RHOBTB3: variants seen among roughly 807,000 people sequenced by gnomAD.
RHOBTB3 encodes Rho related BTB domain containing 3.
In RHOBTB3, 47 loss-of-function variants were observed where a neutral mutation model predicts 67.2. The observed-to-expected ratio is 0.70, with a 90% CI of 0.55 to 0.89. RHOBTB3 has a LOEUF of 0.89. Ranked by LOEUF, RHOBTB3 falls within the 40% of genes least tolerant of loss-of-function variation. The probability of loss-of-function intolerance (pLI) is 0.00; values close to 1 mark genes in which losing one functional copy is unlikely to be tolerated. For synonymous variants in RHOBTB3, 273 were observed against 274.2 expected, an observed-to-expected ratio of 1.00 and a Z score of 0.04; for missense variants, 631 against 750.0, an observed-to-expected ratio of 0.84 and a Z score of 1.85.
At chr5:95,717,767 T>C (rs1170893016) in intron 1 of RHOBTB3, 1 of 152,084 alleles carries the variant, frequency 6.6e-6, no homozygotes, top group Non-Finnish European at 1.5e-5. Flanking sequence ...AAAGAAAAGG[T>C]GAGGAATCAT....
At chr5:95,755,891 A>G (rs1222816472) in intron 6 of RHOBTB3, 130 bp downstream of exon 6, 3 of 846,632 alleles carry the variant, frequency 3.5e-6, no homozygotes, top group Non-Finnish European at 5.5e-6. Context: ...AAGATTATAC[A>G]TGAAATATTA....
Position 95,748,247 on chromosome 5 carries a change from TTTG to T in RHOBTB3, c.416-80_416-78del, listed in dbSNP as rs375475571. The T allele has an allele frequency of 5.0e-5, 49 of 988,228 alleles. No individual in the cohort carries two copies. In the African/African-American group the frequency reaches 6.2e-4, roughly 12 times the overall value. 61.2% of individuals were successfully genotyped at this position (988,228 alleles called of 1,614,324 possible). A position where few individuals can be genotyped will look rare whatever the true frequency, so the allele number is the denominator to read the frequency against. On this transcript the variant is annotated intron_variant, in intron 3 of 11. Transcript: ENST00000379982. Reference sequence around the variant, plus strand: ...TGAACTGTGGCTCTAGTATGAGCTCTTTGTTGTTTAATGTTCAGATTGTCTGTG... The same window carrying T: ...TGAACTGTGGCTCTAGTATGAGCTCTTTGTTTAATGTTCAGATTGTCTGTG...
chr5:95,737,415 G>A (rs1755480101), intron 3 of RHOBTB3, among the ~76,000 whole-genome samples: 1 of 152,224 alleles, frequency 6.6e-6, no homozygotes. Context: ...AGGTCTACCT[G>A]ATTGGGAAGG....
At position 95,780,356 on chromosome 5, in the gene RHOBTB3, G is replaced by A. The variant is rs202221789; in HGVS notation, c.1387G>A (p.Val463Ile). ...YMEAKSVLIPVYGVSKETFLS... is the reference protein window; with the variant it reads ...YMEAKSVLIPIYGVSKETFLS... ...GGAAGCAAAGAGTGTCCTGATTCCCGTTTATGGTGTTTCCAAAGAGACTTT... is the reference window on the plus strand; with the variant it reads ...GGAAGCAAAGAGTGTCCTGATTCCCATTTATGGTGTTTCCAAAGAGACTTT... The change falls in exon 9 of 12, where the codon GTT becomes ATT. Residue 463 changes from valine (V) to isoleucine (I), a missense_variant. By Grantham distance (29) the Val-to-Ile change is conservative. Transcript: ENST00000379982. The A allele has an allele frequency of 2.7e-5, 43 of 1,613,864 alleles. No individual in the cohort carries two copies. In the Middle Eastern group the frequency reaches 4.9e-4, roughly 19 times the overall value.
intron 8 of RHOBTB3, among the ~76,000 whole-genome samples, chr5:95,776,698 G>A (rs781394696): frequency 4.6e-5 from 7 of 152,274 alleles, no homozygotes; most frequent in East Asian, 1.9e-4. Flanking sequence ...TCTTTGCTTG[G>A]ATGCATACTT....
intron 1 of RHOBTB3, among the ~76,000 whole-genome samples, chr5:95,721,104 A>G (rs1404108497): frequency 6.6e-6 from 1 of 152,234 alleles, no homozygotes; most frequent in Non-Finnish European, 1.5e-5. Context: ...TATGACTTAA[A>G]GGCAAAAAAC....
chr5:95,768,583 C>T (rs1465518789), intron 8 of RHOBTB3, among the ~76,000 whole-genome samples: 1 of 151,946 alleles, frequency 6.6e-6, no homozygotes, highest in African/African-American at 2.4e-5. Context: ...AGGAATTGAC[C>T]ATTATTTTAT....
At chr5:95,719,373 C>T (rs745447215) in intron 1 of RHOBTB3, among the ~76,000 whole-genome samples, 12 of 152,064 alleles carry the variant, frequency 7.9e-5, no homozygotes, top group African/African-American at 1.2e-4. Context: ...AGAAAGATTC[C>T]GCAGGAAGCA....
intron 8 of RHOBTB3, among the ~76,000 whole-genome samples, chr5:95,776,362 A>G (rs1444142839): frequency 6.6e-6 from 1 of 152,200 alleles, no homozygotes; most frequent in Non-Finnish European, 1.5e-5. Context: ...AGCTAAGATC[A>G]TACCACTTTA....
chr5:95,725,183 G>T (rs1755018214), intron 1 of RHOBTB3, among the ~76,000 whole-genome samples: 1 of 152,148 alleles, frequency 6.6e-6, no homozygotes, highest in Non-Finnish European at 1.5e-5. Flanking sequence ...TAAATAAATG[G>T]TGGCATATAT....
Position 95,754,184 on chromosome 5 carries a change from G to A in RHOBTB3, c.683-1212G>A, listed in dbSNP as rs150922524. 1.2e-3 allele frequency among the ~76,000 whole-genome samples: 190 copies of A among 152,336 alleles called. 1 individual carries two copies. The highest frequency in any genetic ancestry group is 4.4e-3 in the African/African-American group (184 of 41,576). ...TATAGTGGACAGGGCTTTCAAAAGT[G>A]TCTCTTCAGGAAATGCAGCCTCAGC... On this transcript the variant is annotated intron_variant, in intron 5 of 11. Coordinates refer to ENST00000379982, the MANE Select transcript of RHOBTB3 (RefSeq NM_014899.4).
chr5:95,767,361 A>G (rs1466574996), intron 7 of RHOBTB3, among the ~76,000 whole-genome samples: 1 of 150,852 alleles, frequency 6.6e-6, no homozygotes, highest in Non-Finnish European at 1.5e-5. Context: ...TTTTGGAGAC[A>G]GGGTTTCACT....
intron 2 of RHOBTB3, among the ~76,000 whole-genome samples, chr5:95,735,966 G>A (rs575815105): frequency 6.6e-6 from 1 of 152,274 alleles, no homozygotes; most frequent in Non-Finnish European, 1.5e-5. Context: ...AGCCGGAATG[G>A]TGGTACACAC....
chr5:95,748,112 T>C (rs1232161047), intron 3 of RHOBTB3, among the ~76,000 whole-genome samples: 2 of 151,914 alleles, frequency 1.3e-5, no homozygotes, highest in African/African-American at 4.9e-5. Context: ...TAAATTTTTC[T>C]ATTTTCTAAA....
At chr5:95,781,977 G>A (rs1422948135) in intron 9 of RHOBTB3, 2 of 152,182 alleles carry the variant, frequency 1.3e-5, no homozygotes, top group African/African-American at 4.8e-5. Flanking sequence ...ACCAGATTTG[G>A]AGTAATAGGA....
chr5:95,722,473 G>T (rs1358919810), intron 1 of RHOBTB3, among the ~76,000 whole-genome samples: 1 of 152,050 alleles, frequency 6.6e-6, no homozygotes. Context: ...CATCCCTGGG[G>T]GTGGTATTTT....
chr5:95,771,392 C>T (rs768873136), intron 8 of RHOBTB3, among the ~76,000 whole-genome samples: 1 of 152,176 alleles, frequency 6.6e-6, no homozygotes, highest in Non-Finnish European at 1.5e-5. Context: ...TAACTTTGGT[C>T]ATCTGCCAAG....
At chr5:95,767,959 G>A (rs1745597562) in intron 7 of RHOBTB3, 87 bp from the exon 8 acceptor site, 2 of 1,227,508 alleles carry the variant, frequency 1.6e-6, no homozygotes, top group African/African-American at 1.5e-5. Context: ...TTGAGATTTA[G>A]CATAATTTTC....
chr5:95,792,286 CT>C (rs1746420963), intron 11 of RHOBTB3, among the ~76,000 whole-genome samples: 3 of 151,542 alleles, frequency 2.0e-5, no homozygotes, highest in Admixed American at 2.0e-4. Flanking sequence ...ACTCGGGAGG[CT>C]GAGGCAGGAG....
Sources: allele counts gnomAD v4.1 joint callset (sites outside exome capture counted in the v4.1 genomes callset), GRCh38; gene constraint gnomAD v4.1.1; transcripts MANE v1.5; gene names NCBI Gene and HGNC (gene_info 2026-07-23, HGNC 2026-07-21).